DNAJC24: variants seen among roughly 807,000 people sequenced by gnomAD.
The protein encoded by DNAJC24 is DnaJ heat shock protein family (Hsp40) member C24, also known as dnaJ homolog subfamily C member 24.
In DNAJC24, 17 loss-of-function variants were observed where a neutral mutation model predicts 18.0. The ratio of observed to expected loss-of-function variants is 0.94; its 90% CI spans 0.65 to 1.42. The LOEUF (loss-of-function observed/expected upper bound fraction) is 1.42, where lower values mean the gene tolerates loss of function less well. DNAJC24 is among the 40% of genes most tolerant of loss of function. The pLI is 0.00. For synonymous variants in DNAJC24, 55 were observed against 57.7 expected, an observed-to-expected ratio of 0.95 and a Z score of 0.21; for missense variants, 158 against 175.6, an observed-to-expected ratio of 0.90 and a Z score of 0.57.
intron 2 of DNAJC24, among the ~76,000 whole-genome samples, chr11:31,397,393 A>C (rs1013583817): frequency 6.6e-6 from 1 of 152,210 alleles, no homozygotes; most frequent in Non-Finnish European, 1.5e-5. Context: ...ATAAAAGATC[A>C]ATGAATCGTT....
intron 2 of DNAJC24, among the ~76,000 whole-genome samples, chr11:31,379,480 T>A (rs1952353792): frequency 6.6e-6 from 1 of 152,206 alleles, no homozygotes; most frequent in South Asian, 2.1e-4. Flanking sequence ...CTGCTCTCGC[T>A]GACCCACCAA....
intron 2 of DNAJC24, among the ~76,000 whole-genome samples, chr11:31,398,975 C>T (rs970866810): frequency 2.6e-5 from 4 of 152,106 alleles, no homozygotes; most frequent in African/African-American, 4.8e-5. Flanking sequence ...TACTGCTAAT[C>T]GTCATCTGGG....
At chr11:31,412,125 G>C (rs1483983487) in intron 2 of DNAJC24, among the ~76,000 whole-genome samples, 2 of 152,090 alleles carry the variant, frequency 1.3e-5, no homozygotes, top group African/African-American at 4.8e-5. Context: ...GACTATCATA[G>C]AACTGATTTG....
rs895162613 is a variant in DNAJC24, at chr11:31,429,343, G to A, written c.320-928G>A. On this transcript the variant is annotated intron_variant, in intron 4 of 4. Transcript: ENST00000465995. ...TTTTCTTTTTTAAACTACATATGAT[G>A]CGATCTAAGTATTAATCAAATTTGA... The A allele has an allele frequency of 3.3e-5, 7 of 212,044 alleles. No homozygotes were observed. In the East Asian group the frequency reaches 7.5e-4, roughly 23 times the overall value. The allele number at this position is 212,044 out of a possible 1,614,324, so 13.1% of individuals were successfully genotyped here.
intron 3 of DNAJC24, chr11:31,416,010 T>C (rs556439696): frequency 5.3e-5 from 8 of 152,242 alleles, no homozygotes; most frequent in Non-Finnish European, 1.2e-4. Flanking sequence ...AGGTTTCTTA[T>C]AGGCTGTGTG....
chr11:31,379,572 G>T (rs531063995), intron 2 of DNAJC24, among the ~76,000 whole-genome samples: 2 of 152,224 alleles, frequency 1.3e-5, no homozygotes, highest in South Asian at 2.1e-4. Flanking sequence ...CATAATGGAT[G>T]CAATTTAAAC....
At chr11:31,397,329 A>G (rs1952551214) in intron 2 of DNAJC24, among the ~76,000 whole-genome samples, 1 of 152,142 alleles carries the variant, frequency 6.6e-6, no homozygotes, top group South Asian at 2.1e-4. Context: ...GAAGCACAAA[A>G]CCTTAAAAGA....
chr11:31,427,865 A>G (rs938540244), intron 4 of DNAJC24: 4 of 151,058 alleles, frequency 2.6e-5, no homozygotes, highest in Admixed American at 6.6e-5. Flanking sequence ...CTGGAATCCC[A>G]GCACTTTGGG....
At chr11:31,407,977 C>T (rs1265676355) in intron 2 of DNAJC24, 1 of 386,660 alleles carries the variant, frequency 2.6e-6, no homozygotes, top group Non-Finnish European at 5.1e-6. Flanking sequence ...GCATCTTCAT[C>T]TGTGACATAA....
chr11:31,382,663 T>G (rs913333362), intron 2 of DNAJC24, among the ~76,000 whole-genome samples: 4 of 152,224 alleles, frequency 2.6e-5, no homozygotes, highest in African/African-American at 9.6e-5. Flanking sequence ...GTGTTTTCCC[T>G]ACTCTCACAC....
intron 2 of DNAJC24, among the ~76,000 whole-genome samples, chr11:31,387,787 A>G (rs761805724): frequency 6.6e-6 from 1 of 152,236 alleles, no homozygotes; most frequent in Non-Finnish European, 1.5e-5. Context: ...ACAGTGGCCA[A>G]TGCCAAAGAG....
At chr11:31,429,695 A>T (rs1181406412) in intron 4 of DNAJC24, 1 of 191,070 alleles carries the variant, frequency 5.2e-6, no homozygotes, top group East Asian at 1.2e-4. Flanking sequence ...ACACACACAC[A>T]TACCCCCATA....
intron 2 of DNAJC24, among the ~76,000 whole-genome samples, chr11:31,391,692 G>A (rs990866343): frequency 6.6e-6 from 1 of 152,136 alleles, no homozygotes; most frequent in African/African-American, 2.4e-5. Context: ...AGAACAGTTT[G>A]GAGGTTCCTC....
chr11:31,382,153 A>G (rs1223022194), intron 2 of DNAJC24, among the ~76,000 whole-genome samples: 1 of 152,188 alleles, frequency 6.6e-6, no homozygotes, highest in Admixed American at 6.5e-5. Context: ...AATAAATATT[A>G]TGTACAGTAT....
chr11:31,415,204 G>T, intron 3 of DNAJC24: 1 of 352,152 alleles, frequency 2.8e-6, no homozygotes, highest in Non-Finnish European at 5.1e-6. Flanking sequence ...TTTGAAAAAT[G>T]TTTAATTACA....
In DNAJC24 at chr11:31,374,134, A is replaced by T. The variant is rs1011688494; in HGVS notation, c.111+3275A>T. 1.5e-5 allele frequency: 6 copies of T among 393,560 alleles called. 2 individuals are homozygous for T. Among genetic ancestry groups the T allele is most frequent in the Non-Finnish European group, 3.1e-5 (6 of 190,796 alleles). 24.4% of individuals were successfully genotyped at this position (393,560 alleles called of 1,614,324 possible). A position where few individuals can be genotyped will look rare whatever the true frequency, so the allele number is the denominator to read the frequency against. On this transcript the variant is annotated intron_variant, in intron 2 of 4. Coordinates refer to ENST00000465995, the MANE Select transcript of DNAJC24 (RefSeq NM_181706.5). ...GCTGGTTGCTTCTATTAAAATGTTC[A>T]GTTGAAGTGTTAAGAGCAGGTATCC...
chr11:31,395,233 A>G (rs908794549), intron 2 of DNAJC24, among the ~76,000 whole-genome samples: 1 of 152,198 alleles, frequency 6.6e-6, no homozygotes, highest in Non-Finnish European at 1.5e-5. Context: ...TTATGGCTAC[A>G]TAGTATTCCA....
chr11:31,403,746 G>C (rs972544654), intron 2 of DNAJC24, among the ~76,000 whole-genome samples: 11 of 152,132 alleles, frequency 7.2e-5, no homozygotes. Flanking sequence ...ACTCAGGGCC[G>C]TATATTAAGA....
At chr11:31,429,336 A>T (rs1370416573) in intron 4 of DNAJC24, 3 of 209,198 alleles carry the variant, frequency 1.4e-5, no homozygotes, top group African/African-American at 6.8e-5. Flanking sequence ...TTTAAACTAC[A>T]TATGATGCGA....
Sources: allele counts gnomAD v4.1 joint callset (sites outside exome capture counted in the v4.1 genomes callset), GRCh38; gene constraint gnomAD v4.1.1; transcripts MANE v1.5; gene names NCBI Gene and HGNC (gene_info 2026-07-23, HGNC 2026-07-21).